Variants in ADAMTSL3 observed in about 807,000 individuals in gnomAD.
ADAMTSL3 encodes the protein ADAMTS-like protein 3.
In ADAMTSL3, 128 loss-of-function variants were observed where a neutral mutation model predicts 201.7. The observed-to-expected ratio is 0.63, with a 90% CI of 0.55 to 0.73. The LOEUF is 0.73. ADAMTSL3 is among the 30% of genes least tolerant of loss of function. The pLI is 0.00. For missense variants in ADAMTSL3, 1,990 were observed against 2,119.6 expected (o/e 0.94, Z 1.20); for synonymous variants, 738 against 748.4 (o/e 0.99, Z 0.23).
Position 83,897,959 on chromosome 15 carries a change from C to T in ADAMTSL3, c.1569C>T (p.His523=), listed in dbSNP as rs1567222319. ...VGGCNPQLKL[H]IKEECVIPIP... ...GCTGCAATCCACAACTGAAGTTACA[C>T]ATCAAAGAAGAATGTGTCATTCCCA... The change falls in exon 14 of 30, where the codon CAC becomes CAT. Residue 523 remains histidine, a synonymous_variant. Transcript: ENST00000286744. The T allele has an allele frequency of 1.9e-6, 3 of 1,613,832 alleles. No individual in the cohort carries two copies. The highest frequency in any genetic ancestry group is 1.6e-4 in the Middle Eastern group (1 of 6,062).
At chr15:83,995,584 A>T (rs1198202610) in intron 23 of ADAMTSL3, among the ~76,000 whole-genome samples, 3 of 152,158 alleles carry the variant, frequency 2.0e-5, no homozygotes. Flanking sequence ...AGAAACCAAG[A>T]CTAGATAACT....
At chr15:83,876,119 C>T (rs1313697200) in intron 9 of ADAMTSL3, among the ~76,000 whole-genome samples, 1 of 152,114 alleles carries the variant, frequency 6.6e-6, no homozygotes, top group South Asian at 2.1e-4. Flanking sequence ...CCAATTCATC[C>T]ATTTTTCAAA....
rs35135766 is a variant in ADAMTSL3, at chr15:83,970,615, T to C, written c.2622T>C (p.Ser874=). Residue 874 remains serine, a synonymous_variant, in exon 20 of 30, where the codon TCT becomes TCC. Coordinates refer to ENST00000286744, the MANE Select transcript of ADAMTSL3 (RefSeq NM_207517.3). ...TACCAGGGCTCCCTCTTGTAAGATC[T>C]TGCCAGATGCCTGAGTGCAGTAGTA... ...RDLPGLPLVR[S]CQMPECSKIK... is the part of the protein sequence containing the mutation. 1,165 of 1,614,208 alleles carry C rather than the reference T, an allele frequency of 7.2e-4. 9 individuals carry two copies. The South Asian group carries it at 7.3e-3, about 10-fold the overall frequency.
Position 83,913,371 on chromosome 15 carries a change from C to G in ADAMTSL3, c.1980C>G (p.Cys660Trp). 6.2e-7 allele frequency: 1 copy of G among 1,613,092 alleles called. No homozygotes were observed. The highest frequency in any genetic ancestry group is 8.5e-7 in the Non-Finnish European group (1 of 1,179,956). ...GGTTCACCCCTTGCACAGCAACATG[C>G]GTGGGAGGTATTTGAACCTTTGCTT... ...YAGFTPCTAT[C>W]VGGHQEAIAV... The change falls in exon 16 of 30, where the codon TGC becomes TGG. Residue 660 changes from cysteine (C) to tryptophan (W), a missense_variant. Transcript: ENST00000286744.
At chr15:83,950,270 C>T in intron 19 of ADAMTSL3, among the ~76,000 whole-genome samples, 1 of 152,110 alleles carries the variant, frequency 6.6e-6, no homozygotes, top group Non-Finnish European at 1.5e-5. Context: ...ATTGTCCTTT[C>T]CCCAATGTAT....
At chr15:84,036,300 G>A (rs1303169377) in intron 28 of ADAMTSL3, among the ~76,000 whole-genome samples, 1 of 152,204 alleles carries the variant, frequency 6.6e-6, no homozygotes, top group Non-Finnish European at 1.5e-5. Flanking sequence ...ATGTAAAAAA[G>A]AGTACTTCTT....
intron 25 of ADAMTSL3, among the ~76,000 whole-genome samples, chr15:84,018,545 A>G (rs1013699647): frequency 1.3e-5 from 2 of 152,242 alleles, no homozygotes; most frequent in African/African-American, 4.8e-5. Flanking sequence ...AAGAGGTTAT[A>G]TTTGAGCCCA....
At chr15:83,731,606 C>T (rs1353773345) in intron 3 of ADAMTSL3, among the ~76,000 whole-genome samples, 1 of 151,906 alleles carries the variant, frequency 6.6e-6, no homozygotes, top group Non-Finnish European at 1.5e-5. Flanking sequence ...ATCTGCACTC[C>T]CGTGTTCATT....
chr15:83,991,900 A>ATAT (rs2067588865), intron 23 of ADAMTSL3, among the ~76,000 whole-genome samples: 1 of 152,200 alleles, frequency 6.6e-6, no homozygotes, highest in Non-Finnish European at 1.5e-5. Flanking sequence ...CTGTAGATAA[A>ATAT]TATTATATGC....
chr15:83,930,018 A>G (rs1341434379), intron 17 of ADAMTSL3, among the ~76,000 whole-genome samples: 4 of 152,204 alleles, frequency 2.6e-5, no homozygotes, highest in Non-Finnish European at 5.9e-5. Context: ...AATGTGAGAT[A>G]GGATCCTTAC....
At chr15:83,811,463 C>A (rs141687333) in intron 5 of ADAMTSL3, among the ~76,000 whole-genome samples, 1 of 151,950 alleles carries the variant, frequency 6.6e-6, no homozygotes, top group Non-Finnish European at 1.5e-5. Context: ...CAAAAAGGAA[C>A]CTATTATCAA....
chr15:83,994,488 T>A (rs1288711809), intron 23 of ADAMTSL3, among the ~76,000 whole-genome samples: 1 of 152,190 alleles, frequency 6.6e-6, no homozygotes, highest in Non-Finnish European at 1.5e-5. Context: ...TGCAAATTTT[T>A]TAACACTTAA....
intron 7 of ADAMTSL3, among the ~76,000 whole-genome samples, chr15:83,839,131 C>T (rs979256075): frequency 3.3e-5 from 5 of 152,120 alleles, no homozygotes; most frequent in African/African-American, 1.2e-4. Flanking sequence ...TCTGAATACC[C>T]CCTTGTTGGT....
chr15:83,872,008 G>T (rs778248499), intron 9 of ADAMTSL3, among the ~76,000 whole-genome samples: 6 of 152,180 alleles, frequency 3.9e-5, no homozygotes, highest in Non-Finnish European at 7.3e-5. Context: ...ATGCACGGAG[G>T]TAGATTAGAG....
intron 20 of ADAMTSL3, among the ~76,000 whole-genome samples, chr15:83,977,858 G>A (rs1162198277): frequency 6.6e-6 from 1 of 152,194 alleles, no homozygotes; most frequent in East Asian, 1.9e-4. Flanking sequence ...GGCCTCCACT[G>A]CTCATTTCAG....
intron 28 of ADAMTSL3, among the ~76,000 whole-genome samples, chr15:84,032,637 A>G (rs1381273438): frequency 2.0e-5 from 3 of 152,248 alleles, no homozygotes; most frequent in African/African-American, 7.2e-5. Flanking sequence ...AGAATATATT[A>G]TAGATAATTC....
At chr15:83,742,726 C>G (rs373125216) in intron 3 of ADAMTSL3, among the ~76,000 whole-genome samples, 1 of 152,174 alleles carries the variant, frequency 6.6e-6, no homozygotes, top group Non-Finnish European at 1.5e-5. Context: ...AAGATTAGTT[C>G]TAAATCTTTC....
At chr15:83,834,638 A>C (rs1202747731) in intron 6 of ADAMTSL3, among the ~76,000 whole-genome samples, 3 of 152,188 alleles carry the variant, frequency 2.0e-5, no homozygotes, top group Non-Finnish European at 4.4e-5. Context: ...TTTTTAGCTG[A>C]AGTGATGATT....
chr15:83,996,968 G>C (rs1201714658), intron 23 of ADAMTSL3, among the ~76,000 whole-genome samples: 1 of 152,036 alleles, frequency 6.6e-6, no homozygotes, highest in Admixed American at 6.5e-5. Context: ...TTGGGCAAAA[G>C]TTGGCACTAC....
Sources: gnomAD v4.1 joint callset for allele counts (sites outside exome capture counted in the v4.1 genomes callset) on GRCh38, gnomAD v4.1.1 for gene constraint, MANE v1.5 for transcripts, NCBI Gene and HGNC (gene_info 2026-07-23, HGNC 2026-07-21) for gene names.